The following GPR158 variants were observed in gnomAD, a reference collection of about 807,000 sequenced individuals.
The protein encoded by GPR158 is G protein-coupled receptor 158.
A neutral mutation model predicts 78.2 loss-of-function variants in GPR158; 30 were observed. That is an observed-to-expected ratio of 0.38 (90% CI 0.29 to 0.52). The LOEUF (loss-of-function observed/expected upper bound fraction) is 0.52. GPR158 is among the 20% of genes least tolerant of loss of function. The pLI, the probability that GPR158 is intolerant of heterozygous loss-of-function variation, is 0.83. For synonymous variants in GPR158, 581 were observed against 591.1 expected (o/e 0.98, Z 0.25); for missense variants, 1,463 against 1,523.5 (o/e 0.96, Z 0.66).
chr10:25,209,558 A>G (rs1376690377), intron 1 of GPR158, among the ~76,000 whole-genome samples: 1 of 152,020 alleles, frequency 6.6e-6, no homozygotes, highest in African/African-American at 2.4e-5. Context: ...TGTAGTAGGG[A>G]CACACACACA....
At chr10:25,437,014 T>C (rs925495416) in intron 4 of GPR158, among the ~76,000 whole-genome samples, 3 of 150,924 alleles carry the variant, frequency 2.0e-5, no homozygotes, top group Admixed American at 6.6e-5. Flanking sequence ...ACAGAGGGAG[T>C]TGTTGACAGT....
chr10:25,321,770 G>A (rs1190532669), intron 2 of GPR158, among the ~76,000 whole-genome samples: 1 of 151,930 alleles, frequency 6.6e-6, no homozygotes, highest in Non-Finnish European at 1.5e-5. Flanking sequence ...TTGTATATAG[G>A]TGTCCTTAAA....
At chr10:25,268,906 T>C (rs945122057) in intron 2 of GPR158, among the ~76,000 whole-genome samples, 2 of 152,234 alleles carry the variant, frequency 1.3e-5, no homozygotes, top group African/African-American at 4.8e-5. Context: ...GCTTATATCC[T>C]TTTGTTATTT....
intron 2 of GPR158, among the ~76,000 whole-genome samples, chr10:25,384,752 A>C (rs1201957094): frequency 2.0e-5 from 3 of 152,010 alleles, no homozygotes; most frequent in Non-Finnish European, 4.4e-5. Flanking sequence ...CATTTTAGCC[A>C]TTCCATTTCT....
At chr10:25,361,568 A>G (rs1047027186) in intron 2 of GPR158, among the ~76,000 whole-genome samples, 2 of 151,912 alleles carry the variant, frequency 1.3e-5, no homozygotes, top group African/African-American at 2.4e-5. Context: ...GCACAAGGGT[A>G]CCAATTTTTC....
intron 2 of GPR158, among the ~76,000 whole-genome samples, chr10:25,339,023 T>TC (rs945854803): frequency 1.7e-4 from 25 of 149,318 alleles, no homozygotes; most frequent in East Asian, 3.9e-4. Flanking sequence ...TTTCTTTCTT[T>TC]TTTTTTTTTT....
chr10:25,480,261 CAA>C (rs1835648010), intron 5 of GPR158, among the ~76,000 whole-genome samples: 3 of 152,142 alleles, frequency 2.0e-5, no homozygotes, highest in Admixed American at 2.0e-4. Context: ...AATATTTAAA[CAA>C]AGAGTCTGCC....
intron 2 of GPR158, among the ~76,000 whole-genome samples, chr10:25,287,268 A>G (rs1353984993): frequency 6.6e-6 from 1 of 150,456 alleles, no homozygotes; most frequent in Non-Finnish European, 1.5e-5. Flanking sequence ...GCTTCAGTTG[A>G]TTTTCACTAG....
chr10:25,210,589 T>G (rs189921674), intron 1 of GPR158, among the ~76,000 whole-genome samples: 9 of 152,356 alleles, frequency 5.9e-5, no homozygotes, highest in Admixed American at 3.9e-4. Flanking sequence ...ATCTCATTAT[T>G]GTTTTAATTT....
intron 4 of GPR158, among the ~76,000 whole-genome samples, chr10:25,462,735 G>C (rs1428226322): frequency 1.3e-5 from 2 of 152,200 alleles, no homozygotes; most frequent in African/African-American, 4.8e-5. Context: ...AAGAGAATTA[G>C]AATTAGCAGT....
intron 2 of GPR158, among the ~76,000 whole-genome samples, chr10:25,317,784 A>C (rs1334075848): frequency 6.8e-6 from 1 of 147,530 alleles, no homozygotes; most frequent in East Asian, 2.0e-4. Context: ...GCTGGAGTGC[A>C]ATGGCGCAAT....
At chr10:25,451,435 T>A (rs1835214500) in intron 4 of GPR158, among the ~76,000 whole-genome samples, 2 of 152,208 alleles carry the variant, frequency 1.3e-5, no homozygotes, top group South Asian at 4.1e-4. Flanking sequence ...TTTTCACACT[T>A]TTTACTTCTA....
chr10:25,517,150 A>C (rs1238890998), intron 5 of GPR158, among the ~76,000 whole-genome samples: 11 of 146,144 alleles, frequency 7.5e-5, no homozygotes, highest in Admixed American at 1.3e-4. Context: ...ATGGGAGTTC[A>C]CTCATGATTT....
At chr10:25,489,562 T>C (rs1308033730) in intron 5 of GPR158, among the ~76,000 whole-genome samples, 1 of 152,150 alleles carries the variant, frequency 6.6e-6, no homozygotes, top group African/African-American at 2.4e-5. Context: ...GAATGCCTCT[T>C]CAAATAATTA....
chr10:25,333,091 G>T (rs1017690792), intron 2 of GPR158, among the ~76,000 whole-genome samples: 1 of 152,116 alleles, frequency 6.6e-6, no homozygotes, highest in African/African-American at 2.4e-5. Flanking sequence ...TTACCAACGA[G>T]AGAGGCACTC....
chr10:25,418,563 T>C (rs895661048), intron 4 of GPR158, among the ~76,000 whole-genome samples: 1 of 151,812 alleles, frequency 6.6e-6, no homozygotes, highest in Non-Finnish European at 1.5e-5. Context: ...AGAGCCTGAA[T>C]ATTAAATATT....
intron 7 of GPR158, among the ~76,000 whole-genome samples, chr10:25,582,747 C>G (rs1837219907): frequency 6.6e-6 from 1 of 152,140 alleles, no homozygotes. Context: ...ACAATAAAAC[C>G]TTCACAAAGG....
chr10:25,211,078 A>G (rs552534142), intron 1 of GPR158, among the ~76,000 whole-genome samples: 1 of 151,846 alleles, frequency 6.6e-6, no homozygotes, highest in Non-Finnish European at 1.5e-5. Flanking sequence ...GTTGCAGTGA[A>G]CTGGGATTGT....
At chr10:25,582,995 A>G (rs1837223092) in intron 7 of GPR158, among the ~76,000 whole-genome samples, 1 of 152,208 alleles carries the variant, frequency 6.6e-6, no homozygotes, top group Admixed American at 6.5e-5. Context: ...AGAAAATCTC[A>G]GCCAAGAATG....
Sources: allele counts gnomAD v4.1 joint callset (sites outside exome capture counted in the v4.1 genomes callset), GRCh38; gene constraint gnomAD v4.1.1; transcripts MANE v1.5; gene names NCBI Gene and HGNC (gene_info 2026-07-23, HGNC 2026-07-21).